TRIM37: variants seen among roughly 807,000 people sequenced by gnomAD.
The protein encoded by TRIM37 is tripartite motif containing 37, also known as E3 ubiquitin-protein ligase TRIM37.
In TRIM37, 80 loss-of-function variants were observed where a neutral mutation model predicts 129.8. The observed-to-expected ratio is 0.62, with a 90% CI of 0.51 to 0.74. The LOEUF (loss-of-function observed/expected upper bound fraction) is 0.74. TRIM37 is among the 30% of genes least tolerant of loss of function. TRIM37 has a pLI of 0.00. For synonymous variants in TRIM37, 389 were observed against 387.1 expected, an observed-to-expected ratio of 1.00 and a Z score of -0.06; for missense variants, 1,054 against 1,176.5, an observed-to-expected ratio of 0.90 and a Z score of 1.52.
At chr17:58,975,195 T>A in the TRIM37 span, among the ~76,000 whole-genome samples, 1 of 152,226 alleles carries the variant, frequency 6.6e-6, no homozygotes, top group Admixed American at 6.5e-5. Flanking sequence ...TGAATTAGGT[T>A]TACAACTCAA....
At chr17:59,039,688 A>G (rs1341585581) in intron 17 of TRIM37, among the ~76,000 whole-genome samples, 1 of 151,950 alleles carries the variant, frequency 6.6e-6, no homozygotes, top group Non-Finnish European at 1.5e-5. Flanking sequence ...TTCTCTCCAA[A>G]TTGGTAGATC....
intron 9 of TRIM37, among the ~76,000 whole-genome samples, chr17:59,068,913 G>C (rs988774235): frequency 6.6e-6 from 1 of 152,282 alleles, no homozygotes; most frequent in East Asian, 1.9e-4. Flanking sequence ...GCAAGGTGGT[G>C]GGGTGGGGAG....
chr17:59,064,488 T>G (rs2041771381), intron 9 of TRIM37, 83 bp from the exon 10 acceptor site: 1 of 939,528 alleles, frequency 1.1e-6, no homozygotes, highest in Non-Finnish European at 1.6e-6. Flanking sequence ...CCCTCACTAG[T>G]ATCTTAAAAA....
downstream of TRIM37, among the ~76,000 whole-genome samples, chr17:58,993,272 A>G (rs879458676): frequency 4.6e-5 from 7 of 152,224 alleles, no homozygotes; most frequent in Admixed American, 2.0e-4. Flanking sequence ...AGTCTCGGGT[A>G]TATCTTTATC....
chr17:58,975,467 T>C, the TRIM37 span, among the ~76,000 whole-genome samples: 1 of 152,140 alleles, frequency 6.6e-6, no homozygotes, highest in Non-Finnish European at 1.5e-5. Flanking sequence ...TGATACCTCA[T>C]CTCTATTTTA....
intron 9 of TRIM37, among the ~76,000 whole-genome samples, chr17:59,068,301 AG>A (rs1261868802): frequency 1.3e-5 from 2 of 152,234 alleles, no homozygotes; most frequent in African/African-American, 4.8e-5. Context: ...ATTATTACTT[AG>A]AGTGCTCAAG....
chr17:58,980,265 C>T, downstream of TRIM37: 1 of 1,614,154 alleles, frequency 6.2e-7, no homozygotes. This position sits in a 1 kb window ranked among gnomAD's most constrained non-coding sequence, Gnocchi z 4.7. Flanking sequence ...AGTGAGGAAT[C>T]AGATTGGACA....
intron 17 of TRIM37, among the ~76,000 whole-genome samples, chr17:59,037,133 A>G (rs181324050): frequency 6.6e-6 from 1 of 151,870 alleles, no homozygotes; most frequent in African/African-American, 2.4e-5. Flanking sequence ...AAACAAAACA[A>G]AACAAAAACA....
At chr17:59,062,542 T>C (rs762194508) in intron 11 of TRIM37, 25 bp downstream of exon 11, 1 of 1,594,420 alleles carries the variant, frequency 6.3e-7, no homozygotes, top group South Asian at 1.1e-5. Context: ...GGTTTCAAAA[T>C]TTATTAGAAA....
chr17:59,031,800 C>T, intron 18 of TRIM37, 96 bp downstream of exon 18: 1 of 1,231,912 alleles, frequency 8.1e-7, no homozygotes, highest in Non-Finnish European at 1.2e-6. Flanking sequence ...AGAAATACAC[C>T]ATGTTCCACA....
At chr17:59,070,996 C>T (rs1297401354) in intron 8 of TRIM37, 49 bp from the exon 9 acceptor site, 2 of 1,605,494 alleles carry the variant, frequency 1.2e-6, no homozygotes, top group South Asian at 1.1e-5. Context: ...CTATTCACTG[C>T]CACCTCAAAA....
chr17:58,982,366 T>G (rs2031407212), downstream of TRIM37: 1 of 152,382 alleles, frequency 6.6e-6, no homozygotes, highest in Non-Finnish European at 1.5e-5. Flanking sequence ...CCTCTGATTC[T>G]CTAAGAGTCA....
At chr17:59,039,802 G>A (rs2038956831) in intron 17 of TRIM37, among the ~76,000 whole-genome samples, 1 of 152,150 alleles carries the variant, frequency 6.6e-6, no homozygotes, top group Non-Finnish European at 1.5e-5. Context: ...GAATTTATGT[G>A]CCATGTTAAC....
intron 3 of TRIM37, among the ~76,000 whole-genome samples, chr17:59,089,292 C>T (rs1393836952): frequency 4.6e-5 from 7 of 152,044 alleles, no homozygotes; most frequent in African/African-American, 1.7e-4. Flanking sequence ...CACAGCTGTG[C>T]TGTCCAAAAC....
At chr17:59,033,333 TTC>T (rs1175017736) in intron 17 of TRIM37, among the ~76,000 whole-genome samples, 66 of 152,306 alleles carry the variant, frequency 4.3e-4, no homozygotes, top group African/African-American at 1.2e-3. Context: ...CTGCCTCCTC[TTC>T]TAAGGATTAT....
chr17:59,092,413 A>G (rs997917890), intron 2 of TRIM37, among the ~76,000 whole-genome samples: 9 of 151,094 alleles, frequency 6.0e-5, no homozygotes, highest in African/African-American at 2.2e-4. Flanking sequence ...AAAAAAAAAC[A>G]AAAAAAACGG....
chr17:59,029,671 G>C (rs1308931415), intron 18 of TRIM37, among the ~76,000 whole-genome samples: 1 of 152,222 alleles, frequency 6.6e-6, no homozygotes, highest in Non-Finnish European at 1.5e-5. Flanking sequence ...GGCCGAGGCA[G>C]GTGGATCACT....
intron 19 of TRIM37, among the ~76,000 whole-genome samples, 170 bp downstream of exon 19, chr17:59,028,245 A>G (rs1390928289): frequency 6.6e-6 from 1 of 152,246 alleles, no homozygotes; most frequent in Non-Finnish European, 1.5e-5. Context: ...TAGTTCTATT[A>G]TATAGTAAAA....
chr17:58,973,776 C>T, the TRIM37 span, among the ~76,000 whole-genome samples: 1 of 151,908 alleles, frequency 6.6e-6, no homozygotes, highest in Non-Finnish European at 1.5e-5. Flanking sequence ...CACGATGAAT[C>T]CCCGTCTCTA....
Sources: allele counts gnomAD v4.1 joint callset (sites outside exome capture counted in the v4.1 genomes callset), GRCh38; gene constraint gnomAD v4.1.1; non-coding constraint Gnocchi (gnomAD v3.1); transcripts MANE v1.5; gene names NCBI Gene and HGNC (gene_info 2026-07-23, HGNC 2026-07-21).